Variants in SERPINI1 observed in about 807,000 individuals in gnomAD.
SERPINI1 encodes neuroserpin.
Under a neutral mutation model 41.1 loss-of-function variants are expected in SERPINI1, and 19 were observed. The observed-to-expected ratio is 0.46, with a 90% CI of 0.32 to 0.68. The LOEUF (loss-of-function observed/expected upper bound fraction) is 0.68. Among genes scored for constraint, SERPINI1 ranks in the 30% least tolerant of loss-of-function variants. The pLI is 0.03. For missense variants in SERPINI1, 460 were observed against 479.2 expected (o/e 0.96, Z 0.37); for synonymous variants, 138 against 156.6 (o/e 0.88, Z 0.89).
chr3:167,806,621 T>A (rs1711654503), intron 5 of SERPINI1, among the ~76,000 whole-genome samples: 1 of 152,172 alleles, frequency 6.6e-6, no homozygotes, highest in Admixed American at 6.6e-5. Flanking sequence ...ACTATAACCA[T>A]AAAGATACAT....
chr3:167,822,976 C>A lies in SERPINI1; in HGVS notation c.980-10C>A. 6.4e-7 allele frequency: 1 copy of A among 1,554,324 alleles called. No homozygotes were observed. The highest frequency in any genetic ancestry group is 8.9e-7 in the Non-Finnish European group (1 of 1,125,772). On this transcript the variant is annotated splice_polypyrimidine_tract_variant and intron_variant, in intron 6 of 8. Coordinates refer to ENST00000446050, the MANE Select transcript of SERPINI1 (RefSeq NM_001122752.2). ...ATGAAAAAAAAAAATTTCTGATTCT[C>A]TTTTTGCAGATAATAAGGAGATTTT...
chr3:167,801,107 T>C (rs1275953978), intron 5 of SERPINI1, among the ~76,000 whole-genome samples: 1 of 152,248 alleles, frequency 6.6e-6, no homozygotes, highest in Non-Finnish European at 1.5e-5. Flanking sequence ...CATGGGCCAC[T>C]GCACCCGGCC....
chr3:167,744,715 A>G (rs1725799900), intron 1 of SERPINI1, among the ~76,000 whole-genome samples: 1 of 128,732 alleles, frequency 7.8e-6, no homozygotes, highest in Non-Finnish European at 1.6e-5. Flanking sequence ...TATAAAATAT[A>G]TATAAATATA....
intron 1 of SERPINI1, among the ~76,000 whole-genome samples, chr3:167,771,847 G>A (rs542311551): frequency 1.5e-4 from 22 of 149,806 alleles, no homozygotes; most frequent in Admixed American, 5.9e-4. Context: ...GTGTGTGTGT[G>A]CGCGCACGCG....
At chr3:167,780,883 A>G (rs1488013791) in intron 1 of SERPINI1, among the ~76,000 whole-genome samples, 1 of 152,180 alleles carries the variant, frequency 6.6e-6, no homozygotes, top group Non-Finnish European at 1.5e-5. Context: ...AGGATAAACA[A>G]ATAGCCTAAA....
chr3:167,806,483 T>TA (rs1711643006), intron 5 of SERPINI1, among the ~76,000 whole-genome samples: 2 of 151,992 alleles, frequency 1.3e-5, no homozygotes, highest in Admixed American at 1.3e-4. Context: ...TCTCAGAACT[T>TA]AAAGTAAAAA....
intron 1 of SERPINI1, among the ~76,000 whole-genome samples, chr3:167,787,886 T>A (rs1024387652): frequency 2.0e-5 from 3 of 152,218 alleles, no homozygotes; most frequent in African/African-American, 7.2e-5. Context: ...CAGGACTGAT[T>A]AGGATCTTCT....
intron 5 of SERPINI1, among the ~76,000 whole-genome samples, chr3:167,795,994 G>T (rs1202559690): frequency 6.6e-6 from 1 of 152,042 alleles, no homozygotes; most frequent in East Asian, 1.9e-4. Flanking sequence ...TCCATATTAA[G>T]AAAATTGTTC....
intron 1 of SERPINI1, chr3:167,736,163 T>G (rs1725419757): frequency 6.6e-6 from 1 of 152,168 alleles, no homozygotes; most frequent in African/African-American, 2.4e-5. Context: ...AGCAAAAATT[T>G]TGCTATTGAT....
chr3:167,770,632 A>G (rs1726718182), intron 1 of SERPINI1, among the ~76,000 whole-genome samples: 3 of 152,154 alleles, frequency 2.0e-5, no homozygotes, highest in Non-Finnish European at 4.4e-5. Context: ...GAGAACTGAC[A>G]TCTTTTCAAT....
At chr3:167,813,462 C>T (rs1229889232) in intron 6 of SERPINI1, among the ~76,000 whole-genome samples, 1 of 152,202 alleles carries the variant, frequency 6.6e-6, no homozygotes, top group Non-Finnish European at 1.5e-5. Flanking sequence ...GAGATCCCCA[C>T]TGGGGATGTA....
intron 1 of SERPINI1, among the ~76,000 whole-genome samples, chr3:167,736,722 A>G (rs1725462440): frequency 6.6e-6 from 1 of 152,214 alleles, no homozygotes; most frequent in South Asian, 2.1e-4. Flanking sequence ...GTATTAAACT[A>G]TATGTGCATT....
chr3:167,823,041 T>C lies in SERPINI1; in HGVS notation c.1035T>C (p.Asn345=), dbSNP rs1044875919. Reference sequence around the variant, plus strand: ...TTCACAAGTCCTTCCTAGAGGTTAATGAAGAAGGCTCAGAAGCTGCTGCTG... The same window carrying C: ...TTCACAAGTCCTTCCTAGAGGTTAACGAAGAAGGCTCAGAAGCTGCTGCTG... ...KAIHKSFLEV[N]EEGSEAAAVS... Residue 345 remains asparagine (N), a synonymous_variant, in exon 7 of 9, where the codon AAT becomes AAC. Transcript: ENST00000446050. 3.7e-6 allele frequency: 6 copies of C among 1,609,908 alleles called. No homozygotes were observed. In the African/African-American group the frequency reaches 8.0e-5, roughly 22 times the overall value.
rs1242996695 is a variant in SERPINI1 at position 167,779,181 on chromosome 3, TA to T, written c.-18-9926del. On this transcript the variant is annotated intron_variant, in intron 1 of 8. Coordinates refer to ENST00000446050, the MANE Select transcript of SERPINI1 (RefSeq NM_001122752.2). ...ATTATTCTATGAAAACACATATTTT[TA>T]AAAGAAAAATTTCTAGCTTAAAAAT... 2.0e-5 allele frequency among the ~76,000 whole-genome samples: 3 copies of T among 152,212 alleles called. No individual in the cohort carries two copies. The East Asian group carries it at 5.8e-4, about 29-fold the overall frequency.
intron 1 of SERPINI1, among the ~76,000 whole-genome samples, chr3:167,783,512 T>G (rs1727208602): frequency 6.6e-6 from 1 of 152,156 alleles, no homozygotes; most frequent in African/African-American, 2.4e-5. Flanking sequence ...GGGAATAGTC[T>G]TAATAGATAT....
chr3:167,803,939 T>A (rs1286302571), intron 5 of SERPINI1, among the ~76,000 whole-genome samples: 1 of 152,226 alleles, frequency 6.6e-6, no homozygotes, highest in African/African-American at 2.4e-5. Context: ...AATATCTGTT[T>A]TATGCTCTTG....
chr3:167,747,577 G>C (rs987803556), intron 1 of SERPINI1, among the ~76,000 whole-genome samples: 2 of 152,150 alleles, frequency 1.3e-5, no homozygotes, highest in Admixed American at 1.3e-4. Flanking sequence ...CCGGGAGGCG[G>C]AACTTGCAGT....
At chr3:167,781,138 G>A (rs931219060) in intron 1 of SERPINI1, among the ~76,000 whole-genome samples, 1 of 151,786 alleles carries the variant, frequency 6.6e-6, no homozygotes, top group Non-Finnish European at 1.5e-5. Flanking sequence ...TAGCTTCATT[G>A]CTGCTGATCT....
intron 3 of SERPINI1, 61 bp downstream of exon 3, chr3:167,790,663 A>G: frequency 1.6e-6 from 2 of 1,230,274 alleles, no homozygotes; most frequent in South Asian, 2.5e-5. Context: ...TTAACTTCTG[A>G]AAGTATTTCC....
Sources: allele counts gnomAD v4.1 joint callset (sites outside exome capture counted in the v4.1 genomes callset), GRCh38; gene constraint gnomAD v4.1.1; transcripts MANE v1.5; gene names NCBI Gene and HGNC (gene_info 2026-07-23, HGNC 2026-07-21).